The following ITPKC variants were observed in gnomAD, a reference collection of about 807,000 sequenced individuals.
ITPKC encodes inositol-trisphosphate 3-kinase C.
Under a neutral mutation model 67.1 loss-of-function variants are expected in ITPKC, and 33 were observed. The ratio of observed to expected loss-of-function variants is 0.49; its 90% confidence interval spans 0.37 to 0.66. The LOEUF (loss-of-function observed/expected upper bound fraction) is 0.66. Ranked by LOEUF, ITPKC falls within the 30% of genes least tolerant of loss-of-function variation. The pLI is 0.00. For missense variants in ITPKC, 820 were observed against 892.1 expected (o/e 0.92, Z 1.03); for synonymous variants, 341 against 359.8 (o/e 0.95, Z 0.59).
In ITPKC at chr19:40,740,314, G is replaced by C. The variant is rs886076017; in HGVS notation, c.*754G>C. 2.0e-5 allele frequency: 3 copies of C among 153,764 alleles called. No homozygotes were observed. Among genetic ancestry groups the C allele is most frequent in the African/African-American group, 7.2e-5 (3 of 41,482 alleles). 9.5% of individuals were successfully genotyped at this position (153,764 alleles called of 1,614,324 possible). A position where few individuals can be genotyped will look rare whatever the true frequency, so the allele number is the denominator to read the frequency against. On this transcript the variant is annotated 3_prime_UTR_variant, in exon 7 of 7. Transcript: ENST00000263370. ...CAGTACCTCGCTCCTCTGTGCACCA[G>C]ATCCGGCCTCAGGACTTACACCTCC...
chr19:40,740,743 CTTA>C lies in ITPKC; in HGVS notation c.*1186_*1188del. The C allele has an allele frequency of 2.6e-6, 1 of 382,030 alleles. No individual in the cohort carries two copies. The highest frequency in any genetic ancestry group is 4.6e-6 in the Non-Finnish European group (1 of 215,696). 23.7% of individuals were successfully genotyped at this position (382,030 alleles called of 1,614,324 possible). The stretch of plus-strand genomic sequence containing the variant: ...TCCTTTTCTACTGACCATCTTGATA[CTTA>C]TTTATACGAGAGGCAGTTGCTGGAC... On this transcript the variant is annotated 3_prime_UTR_variant, in exon 7 of 7. Coordinates refer to ENST00000263370, the MANE Select transcript of ITPKC (RefSeq NM_025194.3).
rs757405879 is a variant in ITPKC, at chr19:40,733,347, C to T, written c.1657C>T (p.Arg553Trp). Residue 553 changes from arginine to tryptophan, a missense_variant, in exon 4 of 7, where the codon CGG becomes TGG. Around this residue, in one of 2 missense-constraint regions of ITPKC, gnomAD observed 339 missense variants for 422.0 expected, o/e 0.80. Transcript: ENST00000263370. ...TMSSTSTLGF[R>W]IEGIKKADGT... ...GAGCTCCACCTCTACCCTGGGCTTC[C>T]GGATCGAGGGCATCAAGGTGAGGAC... 3.7e-6 allele frequency: 6 copies of T among 1,610,658 alleles called. No homozygotes were observed. The highest frequency in any genetic ancestry group is 2.2e-5 in the East Asian group (1 of 44,706).
At chr19:40,728,016 A>C (rs1022983266) in intron 2 of ITPKC, among the ~76,000 whole-genome samples, 4 of 152,130 alleles carry the variant, frequency 2.6e-5, no homozygotes, top group Non-Finnish European at 4.4e-5. Context: ...TTGATGGGAA[A>C]ATTCTATAAG....
chr19:40,737,000 C>T lies in ITPKC; in HGVS notation c.1689C>T (p.Thr563=). The T allele has an allele frequency of 1.9e-6, 3 of 1,590,156 alleles. No homozygotes were observed. In the African/African-American group the frequency reaches 4.0e-5, roughly 21 times the overall value. The change falls in exon 5 of 7, where the codon ACC becomes ACT. Residue 563 remains threonine (T), a synonymous_variant. Transcript: ENST00000263370. Reference sequence around the variant, plus strand: ...CTGCCCTACAGAAGGCAGATGGGACCTGTAACACCAACTTCAAGAAGACGC... The same window carrying T: ...CTGCCCTACAGAAGGCAGATGGGACTTGTAACACCAACTTCAAGAAGACGC... ...RIEGIKKADG[T]CNTNFKKTQA... is the part of the protein sequence containing the mutation.
intron 4 of ITPKC, among the ~76,000 whole-genome samples, chr19:40,733,569 A>T (rs2082281761): frequency 1.3e-5 from 2 of 152,020 alleles, no homozygotes. Flanking sequence ...TCCTGAGTCC[A>T]TCTTTTCCTC....
chr19:40,727,203 G>A (rs992969878), intron 2 of ITPKC, among the ~76,000 whole-genome samples: 18 of 151,936 alleles, frequency 1.2e-4, no homozygotes, highest in Non-Finnish European at 1.6e-4. Flanking sequence ...GCATGGTGGC[G>A]GGCGCCTGTA....
In ITPKC at chr19:40,739,471, C is replaced by T; in HGVS notation, c.1963C>T (p.Leu655=). The part of the protein sequence containing the change: ...LPDHQTLSHR[L]PWAEGNREDG... ...CGACCACCAGACGCTCAGCCACAGG[C>T]TGCCCTGGGCTGAGGGCAACCGTGA... The change falls in exon 7 of 7, where the codon CTG becomes TTG. Residue 655 remains leucine (L), a synonymous_variant. Coordinates refer to ENST00000263370, the MANE Select transcript of ITPKC (RefSeq NM_025194.3). 1 of 1,613,594 alleles carries T rather than the reference C, an allele frequency of 6.2e-7. No individual in the cohort carries two copies. The highest frequency in any genetic ancestry group is 8.5e-7 in the Non-Finnish European group (1 of 1,179,988).
intron 1 of ITPKC, 42 bp downstream of exon 1, chr19:40,718,332 ACTC>A (rs1206800951): frequency 3.4e-6 from 5 of 1,482,104 alleles, no homozygotes; most frequent in African/African-American, 1.4e-5. Context: ...ATCACGCAAA[ACTC>A]CTTATTCCTC....
chr19:40,719,394 T>TAATAAC (rs1198664660), intron 1 of ITPKC, among the ~76,000 whole-genome samples: 6 of 151,278 alleles, frequency 4.0e-5, no homozygotes, highest in African/African-American at 1.2e-4. Flanking sequence ...ATAATAATAA[T>TAATAAC]AACAACAACA....
rs1260487338 is a variant in ITPKC, at chr19:40,719,044, T to G, written c.1155+754T>G. ...GAGGGCGGGACAGAGCAGAGGCCGGTGTGAAACTGGAGAGCCTCACGTGGG... is the reference window on the plus strand; with the variant it reads ...GAGGGCGGGACAGAGCAGAGGCCGGGGTGAAACTGGAGAGCCTCACGTGGG... On this transcript the variant is annotated intron_variant, in intron 1 of 6. Coordinates refer to ENST00000263370, the MANE Select transcript of ITPKC (RefSeq NM_025194.3). Among the ~76,000 whole-genome samples, 3 of 152,110 alleles carry G rather than the reference T, an allele frequency of 2.0e-5. No individual in the cohort carries two copies. The East Asian group carries it at 5.8e-4, about 29-fold the overall frequency.
Position 40,740,664 on chromosome 19 carries a change from C to A in ITPKC, c.*1104C>A. On this transcript the variant is annotated 3_prime_UTR_variant, in exon 7 of 7. Coordinates refer to ENST00000263370, the MANE Select transcript of ITPKC (RefSeq NM_025194.3). ...GGCTGGGCTGGCGGACAGGCACCTA[C>A]CTCTTCCTTAAGCTGAAGCTCCCAC... 2 of 302,448 alleles carry A rather than the reference C, an allele frequency of 6.6e-6. No individual in the cohort carries two copies. The highest frequency in any genetic ancestry group is 1.2e-5 in the Non-Finnish European group (2 of 163,964). The allele number at this position is 302,448 out of a possible 1,614,324, so 18.7% of individuals were successfully genotyped here. A position where few individuals can be genotyped will look rare whatever the true frequency, so the allele number is the denominator to read the frequency against.
At chr19:40,738,976 C>T (rs536231686) in intron 6 of ITPKC, among the ~76,000 whole-genome samples, 3 of 152,212 alleles carry the variant, frequency 2.0e-5, no homozygotes, top group Non-Finnish European at 2.9e-5. Context: ...CCAGGTGGGA[C>T]GAAGCGGGAT....
At chr19:40,737,637 CA>C in intron 5 of ITPKC, 60 bp from the exon 6 acceptor site, 1 of 1,455,736 alleles carries the variant, frequency 6.9e-7, no homozygotes, top group Admixed American at 1.7e-5. Context: ...GGTCAGAGCT[CA>C]AGGTGGGCAA....
At chr19:40,722,227 G>A (rs1423000149) in intron 1 of ITPKC, among the ~76,000 whole-genome samples, 1 of 152,100 alleles carries the variant, frequency 6.6e-6, no homozygotes, top group Non-Finnish European at 1.5e-5. Context: ...CCAGCGCTGT[G>A]TGGGGTGATG....
intron 4 of ITPKC, among the ~76,000 whole-genome samples, chr19:40,735,562 C>A (rs1480506824): frequency 6.6e-6 from 1 of 152,098 alleles, no homozygotes; most frequent in Middle Eastern, 3.2e-3. Context: ...TGTCTCCTTT[C>A]AAATTTTGCT....
chr19:40,719,529 G>T (rs2082211567), intron 1 of ITPKC, among the ~76,000 whole-genome samples: 1 of 151,020 alleles, frequency 6.6e-6, no homozygotes, highest in South Asian at 2.1e-4. Flanking sequence ...TCGCTCTGTT[G>T]CCCAGGCTGG....
chr19:40,726,714 A>G, intron 2 of ITPKC, among the ~76,000 whole-genome samples: 1 of 152,128 alleles, frequency 6.6e-6, no homozygotes, highest in Non-Finnish European at 1.5e-5. Context: ...TGCCATCTAT[A>G]TGTGTTCTGG....
intron 1 of ITPKC, among the ~76,000 whole-genome samples, chr19:40,724,260 C>T (rs2082235777): frequency 6.6e-6 from 1 of 152,126 alleles, no homozygotes; most frequent in African/African-American, 2.4e-5. Context: ...CATGGTGGCA[C>T]ACGCCTGTAG....
intron 4 of ITPKC, among the ~76,000 whole-genome samples, chr19:40,735,184 G>A (rs1451566109): frequency 6.6e-6 from 1 of 152,158 alleles, no homozygotes; most frequent in Non-Finnish European, 1.5e-5. Flanking sequence ...CTCCCAAAGT[G>A]CAGGGATTAT....
Sources: gnomAD v4.1 joint callset for allele counts (sites outside exome capture counted in the v4.1 genomes callset) on GRCh38, gnomAD v4.1.1 for gene constraint, gnomAD v4.1.1 regional missense constraint, MANE v1.5 for transcripts, NCBI Gene and HGNC (gene_info 2026-07-23, HGNC 2026-07-21) for gene names.